SYT16: variants seen among roughly 807,000 people sequenced by gnomAD.
The protein encoded by SYT16 is synaptotagmin-16.
In SYT16, 42 loss-of-function variants were observed where a neutral mutation model predicts 61.4. That is an observed-to-expected ratio of 0.68 (90% CI 0.53 to 0.89). The LOEUF (loss-of-function observed/expected upper bound fraction) is 0.89. SYT16 is among the 40% of genes least tolerant of loss of function. The pLI is 0.00. For missense variants in SYT16, 804 were observed against 807.3 expected, an observed-to-expected ratio of 1.00 and a Z score of 0.05; for synonymous variants, 314 against 302.3, an observed-to-expected ratio of 1.04 and a Z score of -0.40.
intron 1 of SYT16, among the ~76,000 whole-genome samples, chr14:61,845,839 G>C (rs572434251): frequency 1.6e-4 from 24 of 152,124 alleles, no homozygotes; most frequent in African/African-American, 5.3e-4. Context: ...TATTGTTTTT[G>C]CTGTGTCTCA....
At chr14:61,939,028 G>A (rs1269124155) in intron 1 of SYT16, among the ~76,000 whole-genome samples, 1 of 152,180 alleles carries the variant, frequency 6.6e-6, no homozygotes, top group East Asian at 1.9e-4. Context: ...CCAGCTACTT[G>A]GGAGGCTGAG....
At chr14:62,014,419 T>C (rs12892486) in intron 3 of SYT16, among the ~76,000 whole-genome samples, 68,595 of 151,394 alleles carry the variant, frequency 0.45, 15,992 homozygotes, top group East Asian at 0.71. Flanking sequence ...CAACTCCTCC[T>C]TATCCCTACT....
chr14:61,858,900 G>A (rs2140283601), intron 1 of SYT16, among the ~76,000 whole-genome samples: 1 of 150,208 alleles, frequency 6.7e-6, no homozygotes, highest in South Asian at 2.1e-4. Context: ...TGTTGCCCAG[G>A]CTGGAGTGCG....
At chr14:61,858,926 C>T (rs2046870219) in intron 1 of SYT16, among the ~76,000 whole-genome samples, 2 of 150,498 alleles carry the variant, frequency 1.3e-5, no homozygotes, top group Non-Finnish European at 2.9e-5. Flanking sequence ...GCGATCTCGG[C>T]TCACTGCAAC....
In SYT16 at chr14:62,103,123, T is replaced by A. The variant is rs1213797457; in HGVS notation, c.*2416T>A. On this transcript the variant is annotated 3_prime_UTR_variant, in exon 8 of 8. Transcript: ENST00000683842. ...AGATATATAACAATATGTGGCTGAT[T>A]TTTTTTACCTTTATTTGAAATTCTA... The A allele has an allele frequency of 6.6e-6, 1 of 152,210 alleles. No individual in the cohort carries two copies. The highest frequency in any genetic ancestry group is 1.9e-4 in the East Asian group (1 of 5,206). 9.4% of individuals were successfully genotyped at this position (152,210 alleles called of 1,614,324 possible). A position where few individuals can be genotyped will look rare whatever the true frequency, so the allele number is the denominator to read the frequency against.
intron 4 of SYT16, among the ~76,000 whole-genome samples, chr14:62,071,117 A>G (rs1230392356): frequency 6.6e-6 from 1 of 152,216 alleles, no homozygotes; most frequent in Non-Finnish European, 1.5e-5. Flanking sequence ...TAAAGGCCCT[A>G]TATAACCAAA....
In SYT16 at chr14:62,103,527, T is replaced by C. The variant is rs1232120413; in HGVS notation, c.*2820T>C. On this transcript the variant is annotated 3_prime_UTR_variant, in exon 8 of 8. Transcript: ENST00000683842. ...TGTGAGTTTACACTGAATTGAGAAATCCTGATTTCACCAATTACGGTGGTG... is the reference window on the plus strand; with the variant it reads ...TGTGAGTTTACACTGAATTGAGAAACCCTGATTTCACCAATTACGGTGGTG... 3 of 152,210 alleles carry C rather than the reference T, an allele frequency of 2.0e-5. No individual in the cohort carries two copies. Among genetic ancestry groups the C allele is most frequent in the Non-Finnish European group, 4.4e-5 (3 of 68,046 alleles). 9.4% of individuals were successfully genotyped at this position (152,210 alleles called of 1,614,324 possible).
At chr14:61,928,469 G>A (rs987746403) in intron 1 of SYT16, among the ~76,000 whole-genome samples, 17 of 152,300 alleles carry the variant, frequency 1.1e-4, no homozygotes, top group African/African-American at 4.1e-4. Flanking sequence ...CTTATGTAAA[G>A]CTTCCTTTTT....
intron 3 of SYT16, among the ~76,000 whole-genome samples, chr14:62,006,040 A>G (rs1379051754): frequency 6.6e-6 from 1 of 152,040 alleles, no homozygotes; most frequent in Non-Finnish European, 1.5e-5. Context: ...GATAGAGCCC[A>G]CTAATTTACT....
At chr14:61,853,520 G>T (rs913883650) in intron 1 of SYT16, among the ~76,000 whole-genome samples, 2 of 152,122 alleles carry the variant, frequency 1.3e-5, no homozygotes, top group African/African-American at 4.8e-5. Context: ...ATAAAATAGG[G>T]CTAAGGCCTT....
intron 2 of SYT16, among the ~76,000 whole-genome samples, chr14:61,990,741 T>C (rs2052514521): frequency 6.6e-6 from 1 of 152,072 alleles, no homozygotes; most frequent in Non-Finnish European, 1.5e-5. Context: ...CCCCATCAGA[T>C]AGAAAATGGG....
chr14:61,823,770 A>G (rs954862904), intron 1 of SYT16, among the ~76,000 whole-genome samples: 8 of 152,146 alleles, frequency 5.3e-5, no homozygotes, highest in Non-Finnish European at 1.2e-4. Context: ...AACAACAAAC[A>G]GAATGTGATA....
intron 1 of SYT16, among the ~76,000 whole-genome samples, chr14:61,883,565 C>T (rs2047779460): frequency 6.6e-6 from 1 of 152,216 alleles, no homozygotes; most frequent in Non-Finnish European, 1.5e-5. Flanking sequence ...AGCCATTCAA[C>T]AAGTCTCTAG....
intron 1 of SYT16, among the ~76,000 whole-genome samples, chr14:61,830,043 A>G (rs2045891274): frequency 6.6e-6 from 1 of 152,132 alleles, no homozygotes; most frequent in Non-Finnish European, 1.5e-5. Flanking sequence ...AAAAAAAATT[A>G]AGTTATTGTA....
intron 3 of SYT16, among the ~76,000 whole-genome samples, chr14:62,047,611 T>G (rs924921068): frequency 6.6e-5 from 10 of 152,180 alleles, no homozygotes; most frequent in African/African-American, 2.4e-4. Flanking sequence ...GGCTGTGGGT[T>G]TGTCATAGAT....
intron 1 of SYT16, among the ~76,000 whole-genome samples, chr14:61,940,478 G>T (rs919592382): frequency 4.6e-5 from 7 of 152,084 alleles, no homozygotes; most frequent in African/African-American, 1.7e-4. Flanking sequence ...AGGGTCTTGA[G>T]CCAGACTGCC....
chr14:62,038,898 A>G (rs937653474), intron 3 of SYT16, among the ~76,000 whole-genome samples: 1 of 152,340 alleles, frequency 6.6e-6, no homozygotes, highest in Admixed American at 6.5e-5. Context: ...GATAATGCCT[A>G]ATAAACGTTG....
chr14:62,072,956 C>G (rs879339580), intron 4 of SYT16, among the ~76,000 whole-genome samples: 4 of 152,142 alleles, frequency 2.6e-5, no homozygotes, highest in Admixed American at 6.5e-5. Flanking sequence ...ATACGTTTCT[C>G]TGACAACAGG....
At chr14:61,848,237 G>A (rs1482253776) in intron 1 of SYT16, among the ~76,000 whole-genome samples, 1 of 152,158 alleles carries the variant, frequency 6.6e-6, no homozygotes, top group African/African-American at 2.4e-5. Context: ...TTTGGGTGTT[G>A]TGATCTAAGC....
Sources: allele counts gnomAD v4.1 joint callset (sites outside exome capture counted in the v4.1 genomes callset), GRCh38; gene constraint gnomAD v4.1.1; transcripts MANE v1.5; gene names NCBI Gene and HGNC (gene_info 2026-07-23, HGNC 2026-07-21).